Variants in LINS1 observed in about 807,000 individuals in gnomAD.
The protein encoded by LINS1 is lines homolog 1, also known as protein Lines homolog 1.
A neutral mutation model predicts 41.6 loss-of-function variants in LINS1; 27 were observed. That is an observed-to-expected ratio of 0.65 (90% CI 0.48 to 0.89). The LOEUF is 0.89. LINS1 is among the 40% of genes least tolerant of loss of function. The pLI, the probability that LINS1 is intolerant of heterozygous loss-of-function variation, is 0.00. For missense variants in LINS1, 955 were observed against 884.1 expected, an observed-to-expected ratio of 1.08 and a Z score of -1.02; for synonymous variants, 336 against 312.9, an observed-to-expected ratio of 1.07 and a Z score of -0.78.
intron 3 of LINS1, among the ~76,000 whole-genome samples, chr15:100,579,071 T>C (rs2038368585): frequency 6.6e-6 from 1 of 152,020 alleles, no homozygotes; most frequent in African/African-American, 2.4e-5. Context: ...ATACACCTAA[T>C]GTAAATGACG....
At chr15:100,572,857 T>C (rs1388056943) in intron 5 of LINS1, 6 of 781,652 alleles carry the variant, frequency 7.7e-6, no homozygotes, top group Non-Finnish European at 9.3e-6. Context: ...TAATTCAATA[T>C]CTAATTTTCA....
At chr15:100,589,366 A>T (rs969859150) in intron 1 of LINS1, among the ~76,000 whole-genome samples, 4 of 152,242 alleles carry the variant, frequency 2.6e-5, no homozygotes, top group African/African-American at 9.6e-5. Context: ...TTTCATGTTA[A>T]ATCAGCTGAT....
chr15:100,573,328 G>A, intron 5 of LINS1: 3 of 1,083,162 alleles, frequency 2.8e-6, no homozygotes, highest in Non-Finnish European at 3.5e-6. Context: ...AAAAAAAAAA[G>A]GATTAATATA....
chr15:100,583,348 A>G (rs969693708), intron 1 of LINS1, among the ~76,000 whole-genome samples: 2 of 152,206 alleles, frequency 1.3e-5, no homozygotes, highest in Non-Finnish European at 2.9e-5. Context: ...CCTGAGTTTC[A>G]ATTGTTGATT....
intron 4 of LINS1, 88 bp downstream of exon 4, chr15:100,574,899 T>A: frequency 1.5e-6 from 2 of 1,300,876 alleles, no homozygotes; most frequent in Non-Finnish European, 2.2e-6. Flanking sequence ...ACAGATCAGA[T>A]GTTCCAAATT....
At chr15:100,581,131 C>A (rs937215345) in intron 1 of LINS1, among the ~76,000 whole-genome samples, 186 bp from the exon 2 acceptor site, 6 of 152,154 alleles carry the variant, frequency 3.9e-5, no homozygotes, top group Non-Finnish European at 8.8e-5. Flanking sequence ...ATGCTTTCCA[C>A]ACAGATTTGA....
chr15:100,578,345 T>C (rs368679463), intron 3 of LINS1, among the ~76,000 whole-genome samples: 2,349 of 151,754 alleles, frequency 0.015, 35 homozygotes, highest in Non-Finnish European at 0.022. Flanking sequence ...ACAAACAACC[T>C]CATCAAAAAG....
At position 100,580,745 on chromosome 15, in the gene LINS1, T is replaced by C; in HGVS notation, c.98A>G (p.Asn33Ser). 2 of 1,610,482 alleles carry C rather than the reference T, an allele frequency of 1.2e-6. No homozygotes were observed. Among genetic ancestry groups the C allele is most frequent in the Non-Finnish European group, 1.7e-6 (2 of 1,177,258 alleles). Residue 33 changes from asparagine to serine, a missense_variant, in exon 2 of 7, where the codon AAC (asparagine) becomes AGC (serine). Asn to Ser is a conservative substitution (Grantham distance 46, BLOSUM62 1). Transcript: ENST00000314742. Reference protein sequence around the residue: ...NDSHDYIFYLNPAVSDQDCST... With the variant: ...NDSHDYIFYLSPAVSDQDCST... ...ACAATCTTGATCTGAAACTGCTGGG[T>C]TGAGATAAAAGATGTAATCATGGCT...
rs797045682 is a variant in LINS1, at chr15:100,569,600, C to T, written c.1912G>A (p.Glu638Lys). Reference sequence around the variant, plus strand: ...TTAGCTAAACACTGCTCTGTGGATTCCACGTCAGAATCGTCAGAGCTGTCG... The same window carrying T: ...TTAGCTAAACACTGCTCTGTGGATTTCACGTCAGAATCGTCAGAGCTGTCG... The part of the protein sequence containing the change: ...DYDSSDDSDV[E>K]STEQCLANSK... The change falls in exon 7 of 7, where the codon GAA becomes AAA. Residue 638 changes from glutamate (E) to lysine (K), a missense_variant. By Grantham distance (56) the Glu-to-Lys change is moderately conservative. Coordinates refer to ENST00000314742, the MANE Select transcript of LINS1 (RefSeq NM_001040616.3). 1 of 1,613,598 alleles carries T rather than the reference C, an allele frequency of 6.2e-7. No homozygotes were observed. Among genetic ancestry groups the T allele is most frequent in the East Asian group, 2.2e-5 (1 of 44,882 alleles).
rs148763156 is a variant in LINS1, at chr15:100,591,440, C to T, written c.-103-10495G>A. Among the ~76,000 whole-genome samples, 1,233 of 152,124 alleles carry T rather than the reference C, an allele frequency of 8.1e-3. 17 individuals are homozygous for T. Among genetic ancestry groups the T allele is most frequent in the African/African-American group, 0.028 (1,167 of 41,486 alleles). ...GGTCACACTCTCACCTAAGTGAGAACGTGACCAAAAAGGGAGAATTTTTTA... is the reference window on the plus strand; with the variant it reads ...GGTCACACTCTCACCTAAGTGAGAATGTGACCAAAAAGGGAGAATTTTTTA... On this transcript the variant is annotated intron_variant, in intron 1 of 6. Coordinates refer to ENST00000314742, the MANE Select transcript of LINS1 (RefSeq NM_001040616.3).
chr15:100,575,108 C>A lies in LINS1; in HGVS notation c.510G>T (p.Trp170Cys). ...LREKITLSNS[W>C]IAFCQKNLSE... ...AAAGATTTTTCTGGCAAAAAGCAAT[C>A]CAGGAATTACTTAAGGTTATCTACA... Residue 170 changes from tryptophan to cysteine, a missense_variant, in exon 4 of 7, where the codon TGG becomes TGT. By Grantham distance (215) the Trp-to-Cys change is radical. Coordinates refer to ENST00000314742, the MANE Select transcript of LINS1 (RefSeq NM_001040616.3). 6.2e-7 allele frequency: 1 copy of A among 1,611,810 alleles called. No individual in the cohort carries two copies. Among genetic ancestry groups the A allele is most frequent in the Middle Eastern group, 1.7e-4 (1 of 6,048 alleles).
chr15:100,580,597 C>T lies in LINS1; in HGVS notation c.246G>A (p.Met82Ile). The T allele has an allele frequency of 6.2e-7, 1 of 1,613,988 alleles. No individual in the cohort carries two copies. Among genetic ancestry groups the T allele is most frequent in the Non-Finnish European group, 8.5e-7 (1 of 1,179,916 alleles). The change falls in exon 2 of 7, where the codon ATG becomes ATA. Residue 82 changes from methionine (M) to isoleucine (I), a missense_variant. By Grantham distance (10) the Met-to-Ile change is conservative. Coordinates refer to ENST00000314742, the MANE Select transcript of LINS1 (RefSeq NM_001040616.3). Reference protein sequence around the residue: ...APVCLKTNSQMSGSREVMLLQ... With the variant: ...APVCLKTNSQISGSREVMLLQ... ...GGAGCATTACTTCTCTGGAACCGCT[C>T]ATCTGAGAGTTGGTCTTCAAACACA...
chr15:100,577,317 C>A (rs528265607), intron 3 of LINS1, among the ~76,000 whole-genome samples: 7,932 of 151,990 alleles, frequency 0.052, 215 homozygotes, highest in Middle Eastern at 0.088. Flanking sequence ...CTGATAAGCA[C>A]CTTCAGCAAA....
intron 1 of LINS1, among the ~76,000 whole-genome samples, chr15:100,590,802 T>C (rs1232684730): frequency 4.6e-5 from 7 of 152,206 alleles, no homozygotes; most frequent in African/African-American, 1.7e-4. Flanking sequence ...CTTTGATCTA[T>C]TTGATTTTAG....
At chr15:100,599,831 C>T (rs1171817035) in intron 1 of LINS1, among the ~76,000 whole-genome samples, 2 of 152,108 alleles carry the variant, frequency 1.3e-5, no homozygotes, top group African/African-American at 2.4e-5. Context: ...TCTGGGAGGC[C>T]GAGGCGGGTG....
intron 3 of LINS1, among the ~76,000 whole-genome samples, chr15:100,575,932 C>A (rs938799572): frequency 6.6e-6 from 1 of 152,048 alleles, no homozygotes; most frequent in Admixed American, 6.6e-5. Context: ...CTACTGGGTA[C>A]ATAATGAAAT....
chr15:100,580,147 C>A, intron 3 of LINS1, 116 bp downstream of exon 3: 1 of 815,202 alleles, frequency 1.2e-6, no homozygotes. Flanking sequence ...ATTGCTTGAG[C>A]CCAGAAGTTT....
intron 1 of LINS1, among the ~76,000 whole-genome samples, chr15:100,591,679 C>A (rs937830184): frequency 1.3e-5 from 2 of 152,152 alleles, no homozygotes; most frequent in Non-Finnish European, 2.9e-5. Context: ...CCCATTAAAT[C>A]TTTTAACCAA....
rs1596869239 is a variant in LINS1, at chr15:100,569,375, C to A, written c.2137G>T (p.Val713Leu). 6.2e-7 allele frequency: 1 copy of A among 1,614,126 alleles called. No individual in the cohort carries two copies. The highest frequency in any genetic ancestry group is 8.5e-7 in the Non-Finnish European group (1 of 1,180,022). Residue 713 changes from valine to leucine, a missense_variant, in exon 7 of 7, where the codon GTA (valine) becomes TTA (leucine). By Grantham distance (32) the Val-to-Leu change is conservative. Transcript: ENST00000314742. ...TCTTGTAGTTCCTGGAAGCATTTTA[C>A]TATTCTGTAAAATATTCCCACTTCA... is the stretch of plus-strand genomic sequence containing the variant. ...VSEVGIFYRI[V>L]KCFQELQDAI...
Sources: allele counts gnomAD v4.1 joint callset (sites outside exome capture counted in the v4.1 genomes callset), GRCh38; gene constraint gnomAD v4.1.1; transcripts MANE v1.5; gene names NCBI Gene and HGNC (gene_info 2026-07-23, HGNC 2026-07-21).